Variants in BCKDK observed in about 807,000 individuals in gnomAD.
The protein encoded by BCKDK is branched-chain alpha-ketoacid dehydrogenase kinase.
Under a neutral mutation model 43.9 loss-of-function variants are expected in BCKDK, and 28 were observed. The observed-to-expected ratio is 0.64, with a 90% confidence interval of 0.47 to 0.87. BCKDK has a LOEUF of 0.87. BCKDK is among the 40% of genes least tolerant of loss of function. The pLI is 0.00. For missense variants in BCKDK, 483 were observed against 581.4 expected, an observed-to-expected ratio of 0.83 and a Z score of 1.74; for synonymous variants, 257 against 234.3, an observed-to-expected ratio of 1.10 and a Z score of -0.88.
At chr16:31,111,426 GA>G in intron 10 of BCKDK, 37 bp downstream of exon 10, 2 of 1,597,862 alleles carry the variant, frequency 1.3e-6, no homozygotes, top group Non-Finnish European at 1.7e-6. Flanking sequence ...AGGTGGATGG[GA>G]TGGGGGTCTA....
Position 31,112,498 on chromosome 16 carries a change from AGTTCC to A in BCKDK, c.*236_*240del, listed in dbSNP as rs1229023664. ...TGGGCACCCTGAGGCCTCCAGCACC[AGTTCC>A]GTCATTCTCGTTCCTGGGGAACCCC... is the stretch of plus-strand genomic sequence containing the variant. On this transcript the variant is annotated 3_prime_UTR_variant, in exon 12 of 12. Coordinates refer to ENST00000219794, the MANE Select transcript of BCKDK (RefSeq NM_005881.4). This position sits in a 1 kb window ranked among gnomAD's most constrained non-coding sequence, Gnocchi z 5.0. 1.5e-6 allele frequency: 1 copy of A among 646,596 alleles called. No homozygotes were observed. Among genetic ancestry groups the A allele is most frequent in the African/African-American group, 1.8e-5 (1 of 55,138 alleles). 40.1% of individuals were successfully genotyped at this position (646,596 alleles called of 1,614,324 possible).
Position 31,109,059 on chromosome 16 carries a change from C to G in BCKDK, c.-165C>G, listed in dbSNP as rs890337639. 3.0e-5 allele frequency: 17 copies of G among 575,638 alleles called. 1 individual carries two copies. In the African/African-American group the frequency reaches 3.2e-4, roughly 11 times the overall value. The allele number at this position is 575,638 out of a possible 1,614,324, so 35.7% of individuals were successfully genotyped here. A position where few individuals can be genotyped will look rare whatever the true frequency, so the allele number is the denominator to read the frequency against. On this transcript the variant is annotated 5_prime_UTR_variant, in exon 2 of 12. Coordinates refer to ENST00000219794, the MANE Select transcript of BCKDK (RefSeq NM_005881.4). This position sits in a 1 kb window ranked among gnomAD's most constrained non-coding sequence, Gnocchi z 5.3. Reference sequence around the variant, plus strand: ...CCCGCCCCGGTAGATGGGAGCTGCTCTCCGCGGGCTGAGCCTGTCAGCATC... The same window carrying G: ...CCCGCCCCGGTAGATGGGAGCTGCTGTCCGCGGGCTGAGCCTGTCAGCATC...
chr16:31,111,093 G>A lies in BCKDK; in HGVS notation c.719G>A (p.Arg240His), dbSNP rs777198302. The change falls in exon 9 of 12, where the codon CGC (arginine) becomes CAC (histidine). Residue 240 changes from arginine (R) to histidine (H), a missense_variant and splice_region_variant. Physicochemically the swap from Arg to His is conservative, Grantham distance 29. Transcript: ENST00000219794. ...TGAACCCTCGCTCCTATCCGCAGAC[G>A]CCTGTGTGAGCACAAGTATGGCAAT... ...IIEKWVDFAR[R>H]LCEHKYGNAP... 3 of 1,613,872 alleles carry A rather than the reference G, an allele frequency of 1.9e-6. No individual in the cohort carries two copies. The highest frequency in any genetic ancestry group is 2.5e-6 in the Non-Finnish European group (3 of 1,180,008).
At chr16:31,113,604 G>A (rs1009339234), downstream of BCKDK, among the ~76,000 whole-genome samples, 3 of 152,184 alleles carry the variant, frequency 2.0e-5, no homozygotes, top group Non-Finnish European at 1.5e-5. Context: ...AGCCTTCTGA[G>A]TAGCTTGGAC....
In BCKDK at chr16:31,109,963, G is replaced by T; in HGVS notation, c.376-114G>T. ...CGGAGCCTGGAAGGGTCGAAGTGGG[G>T]GTTTGATCACGTGGTCGACCAGCTG... On this transcript the variant is annotated intron_variant, in intron 4 of 11. Transcript: ENST00000219794. The surrounding 1 kb of genome is among the most constrained non-coding windows in gnomAD (Gnocchi z 5.3). 3 of 1,491,308 alleles carry T rather than the reference G, an allele frequency of 2.0e-6. No individual in the cohort carries two copies. Among genetic ancestry groups the T allele is most frequent in the South Asian group, 2.3e-5 (2 of 88,206 alleles). The allele number at this position is 1,491,308 out of a possible 1,614,324, so 92.4% of individuals were successfully genotyped here.
chr16:31,109,407 G>A lies in BCKDK; in HGVS notation c.184G>A (p.Ala62Thr). 1.2e-6 allele frequency: 2 copies of A among 1,608,882 alleles called. No individual in the cohort carries two copies. The highest frequency in any genetic ancestry group is 1.1e-5 in the South Asian group (1 of 90,842). The change falls in exon 2 of 12, where the codon GCA becomes ACA. Residue 62 changes from alanine to threonine, a missense_variant. Ala to Thr is a moderately conservative substitution (Grantham distance 58). Coordinates refer to ENST00000219794, the MANE Select transcript of BCKDK (RefSeq NM_005881.4). This position sits in a 1 kb window ranked among gnomAD's most constrained non-coding sequence, Gnocchi z 5.3. Reference sequence around the variant, plus strand: ...TTACAACCAGTCGGCCATCGACGCGGCAGCGGAGAAGGTGCGCAAGGGGGC... The same window carrying A: ...TTACAACCAGTCGGCCATCGACGCGACAGCGGAGAAGGTGCGCAAGGGGGC... ...SFYNQSAIDA[A>T]AEKPSVRLTP...
chr16:31,111,517 A>G (rs2057412335), intron 10 of BCKDK, 128 bp downstream of exon 10: 2 of 1,061,868 alleles, frequency 1.9e-6, no homozygotes, highest in South Asian at 2.9e-5. Context: ...CAGACAAACT[A>G]TTCTCTGAAT....
At position 31,111,360 on chromosome 16, in the gene BCKDK, C is replaced by T. The variant is rs757272693; in HGVS notation, c.906C>T (p.Ile302=). ...PYNVPDVVIT[I]ANNDVDLIIR... is the part of the protein sequence containing the mutation. ...ATGTCCCAGATGTGGTCATCACCAT[C>T]GCCAACAATGATGTCGATCTGATCA... Residue 302 remains isoleucine (I), a synonymous_variant, in exon 10 of 12, where the codon ATC becomes ATT. Transcript: ENST00000219794. 98 of 1,614,012 alleles carry T rather than the reference C, an allele frequency of 6.1e-5. No individual in the cohort carries two copies. Among genetic ancestry groups the T allele is most frequent in the Non-Finnish European group, 7.5e-5 (89 of 1,180,024 alleles).
chr16:31,114,966 C>T (rs150417244), downstream of BCKDK, among the ~76,000 whole-genome samples: 167 of 152,136 alleles, frequency 1.1e-3, no homozygotes, highest in Admixed American at 3.2e-3. Flanking sequence ...GTTGTGTCGG[C>T]CAGGTTGGAG....
chr16:31,115,499 A>G (rs1223754012), downstream of BCKDK, among the ~76,000 whole-genome samples: 1 of 152,032 alleles, frequency 6.6e-6, no homozygotes, highest in Non-Finnish European at 1.5e-5. Context: ...GTGGGATTAC[A>G]GGAGTGAGCC....
At chr16:31,117,401 T>TAAA (rs60080564), downstream of BCKDK, 1,380 of 269,986 alleles carry the variant, frequency 5.1e-3, 73 homozygotes, top group South Asian at 0.14. Flanking sequence ...AATAAATAAA[T>TAAA]TAAAAAAAGG....
chr16:31,109,481 T>C lies in BCKDK; in HGVS notation c.196-30T>C. The C allele has an allele frequency of 2.5e-6, 4 of 1,613,818 alleles. No individual in the cohort carries two copies. Among genetic ancestry groups the C allele is most frequent in the Non-Finnish European group, 3.4e-6 (4 of 1,179,938 alleles). ...AGGCGGGAGGGAGAGTGTTGGGGGT[T>C]CTCTGCTCAAGGCCTCTCTCCCTCT... is the stretch of plus-strand genomic sequence containing the variant. On this transcript the variant is annotated intron_variant, in intron 2 of 11. Transcript: ENST00000219794. This position sits in a 1 kb window ranked among gnomAD's most constrained non-coding sequence, Gnocchi z 5.3.
chr16:31,108,428 T>A lies in BCKDK; in HGVS notation c.-229T>A, dbSNP rs1380867846. On this transcript the variant is annotated 5_prime_UTR_variant, in exon 1 of 12. Transcript: ENST00000219794. This position sits in a 1 kb window ranked among gnomAD's most constrained non-coding sequence, Gnocchi z 6.2. Reference sequence around the variant, plus strand: ...CGCAGGCGGCTGGGCGCCTGGCGAGTGGACTGTTCGAGCCCTTCCGCTGGG... The same window carrying A: ...CGCAGGCGGCTGGGCGCCTGGCGAGAGGACTGTTCGAGCCCTTCCGCTGGG... The A allele has an allele frequency of 1.3e-5, 2 of 151,900 alleles. No individual in the cohort carries two copies. Among genetic ancestry groups the A allele is most frequent in the Admixed American group, 1.3e-4 (2 of 15,276 alleles). 9.4% of individuals were successfully genotyped at this position (151,900 alleles called of 1,614,324 possible). A position where few individuals can be genotyped will look rare whatever the true frequency, so the allele number is the denominator to read the frequency against.
chr16:31,114,081 A>G (rs1197636388), downstream of BCKDK, among the ~76,000 whole-genome samples: 1 of 152,262 alleles, frequency 6.6e-6, no homozygotes, highest in Non-Finnish European at 1.5e-5. Context: ...TTTTAAGAAG[A>G]GCCTCAGGTG....
In BCKDK at chr16:31,112,025, CG is replaced by C; in HGVS notation, c.1094+1del. 6.2e-7 allele frequency: 1 copy of C among 1,613,982 alleles called. No individual in the cohort carries two copies. The highest frequency in any genetic ancestry group is 8.5e-7 in the Non-Finnish European group (1 of 1,179,976). On this transcript the variant is annotated frameshift_variant and splice_region_variant, in exon 11 of 12. Coordinates refer to ENST00000219794, the MANE Select transcript of BCKDK (RefSeq NM_005881.4). LOFTEE classifies it high-confidence loss of function. This position sits in a 1 kb window ranked among gnomAD's most constrained non-coding sequence, Gnocchi z 5.0. ...HSGAQSGPMH[G>X]FGFGLPTSRA... Reference sequence around the variant, plus strand: ...GTGGCGCCCAGTCAGGACCCATGCACGGGTGAGACCCTGCCAGGCCAGGATG... The same window carrying C: ...GTGGCGCCCAGTCAGGACCCATGCACGGTGAGACCCTGCCAGGCCAGGATG...
chr16:31,117,262 C>T (rs892203376), downstream of BCKDK, among the ~76,000 whole-genome samples: 1 of 151,260 alleles, frequency 6.6e-6, no homozygotes, highest in African/African-American at 2.4e-5. Context: ...CCCAGCTACC[C>T]GGGAGGCTGA....
chr16:31,116,115 A>G (rs1183914350), downstream of BCKDK, among the ~76,000 whole-genome samples: 1 of 148,058 alleles, frequency 6.8e-6, no homozygotes, highest in Non-Finnish European at 1.5e-5. Flanking sequence ...ACGGAGTTTC[A>G]TCGTGTTAGC....
rs560919863 is a variant in BCKDK at position 31,111,972 on chromosome 16, C to A, written c.1039C>A (p.Pro347Thr). 10 of 1,614,136 alleles carry A rather than the reference C, an allele frequency of 6.2e-6. No individual in the cohort carries two copies. Among genetic ancestry groups the A allele is most frequent in the Non-Finnish European group, 8.5e-6 (10 of 1,180,028 alleles). Reference sequence around the variant, plus strand: ...CAGCACACAGGACCCCCGGATCAGCCCCCTCTTTGGCCATCTGGACATGCA... The same window carrying A: ...CAGCACACAGGACCCCCGGATCAGCACCCTCTTTGGCCATCTGGACATGCA... ...EASTQDPRIS[P>T]LFGHLDMHSG... is the part of the protein sequence containing the mutation. Residue 347 changes from proline (P) to threonine (T), a missense_variant, in exon 11 of 12, where the codon CCC becomes ACC. Pro to Thr is a conservative substitution (Grantham distance 38, BLOSUM62 -1). Transcript: ENST00000219794.
chr16:31,111,277 A>G, intron 9 of BCKDK, 23 bp from the exon 10 acceptor site: 1 of 1,613,984 alleles, frequency 6.2e-7, no homozygotes, highest in Non-Finnish European at 8.5e-7. Flanking sequence ...GCTTGTACCT[A>G]CTGGTCTTTC....
Sources: allele counts gnomAD v4.1 joint callset (sites outside exome capture counted in the v4.1 genomes callset), GRCh38; gene constraint gnomAD v4.1.1; non-coding constraint Gnocchi (gnomAD v3.1); transcripts MANE v1.5; gene names NCBI Gene and HGNC (gene_info 2026-07-23, HGNC 2026-07-21).